The following LAMB4 variants were observed in gnomAD, a reference collection of about 807,000 sequenced individuals.
LAMB4 encodes laminin subunit beta-4.
Under a neutral mutation model 199.2 loss-of-function variants are expected in LAMB4, and 196 were observed. The observed-to-expected ratio is 0.98, with a 90% CI of 0.88 to 1.11. LAMB4 has a LOEUF of 1.11. Among genes scored for constraint, LAMB4 ranks in the 50% least tolerant of loss-of-function variants. The probability of loss-of-function intolerance (pLI) is 0.00; values close to 1 mark genes in which losing one functional copy is unlikely to be tolerated. For synonymous variants in LAMB4, 744 were observed against 770.6 expected, an observed-to-expected ratio of 0.97 and a Z score of 0.57; for missense variants, 2,080 against 2,171.2, an observed-to-expected ratio of 0.96 and a Z score of 0.83.
intron 5 of LAMB4, among the ~76,000 whole-genome samples, 166 bp downstream of exon 5, chr7:108,109,005 T>C (rs1192289750): frequency 6.6e-6 from 1 of 152,124 alleles, no homozygotes. Flanking sequence ...TTTTAAAAAG[T>C]GTTTTTTTTT....
intron 12 of LAMB4, among the ~76,000 whole-genome samples, chr7:108,093,267 G>A (rs557654710): frequency 1.4e-4 from 22 of 152,064 alleles, no homozygotes; most frequent in Admixed American, 5.2e-4. Flanking sequence ...GGGTTTTACC[G>A]TGTTAGCCAG....
At chr7:108,024,288 G>A (rs1352025884) in intron 33 of LAMB4, 110 bp from the exon 34 acceptor site, 1 of 544,670 alleles carries the variant, frequency 1.8e-6, no homozygotes, top group African/African-American at 2.0e-5. Flanking sequence ...GATATATTTA[G>A]TTTTCTGTTT....
At chr7:108,100,557 T>A (rs2037780604) in intron 10 of LAMB4, among the ~76,000 whole-genome samples, 1 of 152,210 alleles carries the variant, frequency 6.6e-6, no homozygotes, top group Admixed American at 6.5e-5. Context: ...GACTTCTTAC[T>A]TTCATACCAG....
chr7:108,092,094 A>C (rs1170284553), intron 13 of LAMB4, among the ~76,000 whole-genome samples: 3 of 150,326 alleles, frequency 2.0e-5, no homozygotes, highest in African/African-American at 4.9e-5. Context: ...CTGGTGTTTT[A>C]GGCAGGTCAC....
rs1224163209 is a variant in LAMB4, at chr7:108,062,842, C to T, written c.3214G>A (p.Val1072Ile). 8.3e-6 allele frequency: 13 copies of T among 1,566,584 alleles called. No homozygotes were observed. The highest frequency in any genetic ancestry group is 1.1e-5 in the Non-Finnish European group (13 of 1,158,216). The change falls in exon 23 of 34, where the codon GTC becomes ATC. Residue 1072 changes from valine (V) to isoleucine (I), a missense_variant. Transcript: ENST00000388781. ...DRCADGYWNLVPGRGCQSCDC... is the reference protein window; with the variant it reads ...DRCADGYWNLIPGRGCQSCDC... ...CATGACTGACATCCTCTGCCAGGGA[C>T]CAGATTCCAGTATCCATCAGCACAA...
the LAMB4 span, among the ~76,000 whole-genome samples, chr7:108,012,404 ATGTATT>A: frequency 6.6e-6 from 1 of 152,314 alleles, no homozygotes; most frequent in African/African-American, 2.4e-5. Flanking sequence ...AACAAGGAGA[ATGTATT>A]TGTCTATAAC....
chr7:108,070,464 C>T (rs767509461), intron 17 of LAMB4, among the ~76,000 whole-genome samples: 9 of 152,152 alleles, frequency 5.9e-5, no homozygotes, highest in Admixed American at 1.3e-4. Context: ...GATTTTCTTC[C>T]GCCTGCACTA....
chr7:108,114,000 C>T (rs1169791989), intron 3 of LAMB4, among the ~76,000 whole-genome samples: 1 of 152,170 alleles, frequency 6.6e-6, no homozygotes. Flanking sequence ...AAAGAAGCCT[C>T]CACAGTTGGA....
At chr7:108,086,706 T>A (rs1014637040) in intron 14 of LAMB4, among the ~76,000 whole-genome samples, 5 of 152,142 alleles carry the variant, frequency 3.3e-5, no homozygotes, top group African/African-American at 4.8e-5. Flanking sequence ...ATAACACAGA[T>A]GTGGTCATTT....
chr7:108,094,324 G>T (rs149281944), intron 12 of LAMB4, among the ~76,000 whole-genome samples: 412 of 152,312 alleles, frequency 2.7e-3, no homozygotes, highest in African/African-American at 9.5e-3. Context: ...TATGGTCATG[G>T]AGGTTGGCGT....
intron 29 of LAMB4, among the ~76,000 whole-genome samples, chr7:108,037,987 G>A (rs1052014788): frequency 2.0e-5 from 3 of 152,138 alleles, no homozygotes; most frequent in Non-Finnish European, 4.4e-5. Flanking sequence ...GAAGCTCTGC[G>A]TTTGAAGTCA....
chr7:108,031,348 G>GA (rs1225770663), intron 31 of LAMB4, among the ~76,000 whole-genome samples: 11 of 29,618 alleles, frequency 3.7e-4, no homozygotes, highest in East Asian at 7.5e-4. Context: ...AAAAAAAAAA[G>GA]AAAAAAAAGA....
At chr7:108,108,901 G>A (rs1419311666) in intron 5 of LAMB4, among the ~76,000 whole-genome samples, 1 of 151,098 alleles carries the variant, frequency 6.6e-6, no homozygotes, top group Non-Finnish European at 1.5e-5. Context: ...TATCTTTATA[G>A]TTCTTATGGT....
intron 14 of LAMB4, among the ~76,000 whole-genome samples, chr7:108,086,624 A>G (rs1442066560): frequency 6.6e-6 from 1 of 152,190 alleles, no homozygotes; most frequent in African/African-American, 2.4e-5. Flanking sequence ...TTATGTCCAG[A>G]TGTCAGGGTA....
rs763295360 is a variant in LAMB4 at position 108,043,881 on chromosome 7, C to T, written c.4342G>A (p.Glu1448Lys). The change falls in exon 29 of 34, where the codon GAA becomes AAA. Residue 1448 changes from glutamate to lysine, a missense_variant. Glu to Lys is a moderately conservative substitution (Grantham distance 56). Coordinates refer to ENST00000388781, the MANE Select transcript of LAMB4 (RefSeq NM_007356.3). ...TTGTTTTTGGAGACTTCTGCCTGTT[C>T]ACTTATACTTTCGATCTGGAATGAG... ...GLKNQIESIS[E>K]QAEVSKNNAL... is the part of the protein sequence containing the mutation. 5.0e-6 allele frequency: 8 copies of T among 1,599,836 alleles called. No individual in the cohort carries two copies. In the East Asian group the frequency reaches 1.8e-4, roughly 36 times the overall value.
rs772250985 is a variant in LAMB4 at position 108,103,032 on chromosome 7, C to T, written c.1180+12G>A. 5 of 1,561,762 alleles carry T rather than the reference C, an allele frequency of 3.2e-6. No homozygotes were observed. The highest frequency in any genetic ancestry group is 4.4e-6 in the Non-Finnish European group (5 of 1,144,192). On this transcript the variant is annotated intron_variant, in intron 10 of 33. Coordinates refer to ENST00000388781, the MANE Select transcript of LAMB4 (RefSeq NM_007356.3). ...GACAGTGGGTAGGATCCAGGCAGAC[C>T]CGGGGACTCACGAATGCACGCGTAG...
intron 19 of LAMB4, among the ~76,000 whole-genome samples, chr7:108,067,393 G>A (rs188765913): frequency 6.6e-6 from 1 of 152,276 alleles, no homozygotes; most frequent in East Asian, 1.9e-4. Flanking sequence ...GAATCTGAGG[G>A]AACAGTATTT....
chr7:108,043,960 A>T (rs907711038), intron 28 of LAMB4, 64 bp from the exon 29 acceptor site: 4 of 1,396,830 alleles, frequency 2.9e-6, no homozygotes, highest in Non-Finnish European at 2.9e-6. Context: ...ATGTTCTTTG[A>T]TGTTTAATTA....
chr7:108,062,277 A>G (rs968043666), intron 23 of LAMB4: 6 of 152,254 alleles, frequency 3.9e-5, no homozygotes, highest in East Asian at 3.8e-4. Flanking sequence ...ACACATGCCT[A>G]CATTCTTAAG....
Sources: gnomAD v4.1 joint callset for allele counts (sites outside exome capture counted in the v4.1 genomes callset) on GRCh38, gnomAD v4.1.1 for gene constraint, MANE v1.5 for transcripts, NCBI Gene and HGNC (gene_info 2026-07-23, HGNC 2026-07-21) for gene names.